APLF: variants seen among roughly 807,000 people sequenced by gnomAD.
APLF encodes aprataxin and PNKP like factor.
In APLF, 61 loss-of-function variants were observed where a neutral mutation model predicts 55.6. The observed-to-expected ratio is 1.10, with a 90% confidence interval of 0.89 to 1.36. The LOEUF (loss-of-function observed/expected upper bound fraction) is 1.36, where lower values mean the gene tolerates loss of function less well. Among genes scored for constraint, APLF ranks in the 40% most tolerant of loss-of-function variants. The pLI, the probability that APLF is intolerant of heterozygous loss-of-function variation, is 0.00. For synonymous variants in APLF, 207 were observed against 214.8 expected (o/e 0.96, Z 0.32); for missense variants, 611 against 602.5 (o/e 1.01, Z -0.15).
intron 3 of APLF, among the ~76,000 whole-genome samples, chr2:68,512,383 C>T (rs868842546): frequency 6.6e-6 from 1 of 151,744 alleles, no homozygotes; most frequent in Non-Finnish European, 1.5e-5. Context: ...GTAGTTCATT[C>T]CTTGTTATTT....
intron 9 of APLF, among the ~76,000 whole-genome samples, chr2:68,573,355 T>C (rs1363490918): frequency 6.6e-6 from 1 of 152,144 alleles, no homozygotes; most frequent in African/African-American, 2.4e-5. Flanking sequence ...TTTGTGATCA[T>C]TTAATGTTTG....
chr2:68,525,889 G>A (rs1389033245), intron 5 of APLF, among the ~76,000 whole-genome samples, 172 bp from the exon 6 acceptor site: 2 of 151,322 alleles, frequency 1.3e-5, no homozygotes, highest in Non-Finnish European at 2.9e-5. Flanking sequence ...AGCTGGGACT[G>A]CAGGTGCACA....
At chr2:68,557,365 G>A (rs1216866741) in intron 8 of APLF, among the ~76,000 whole-genome samples, 1 of 152,196 alleles carries the variant, frequency 6.6e-6, no homozygotes, top group South Asian at 2.1e-4. Flanking sequence ...TTTTCAGTCT[G>A]CAGTTGGTTG....
intron 5 of APLF, among the ~76,000 whole-genome samples, chr2:68,514,582 G>T (rs1476852014): frequency 1.3e-5 from 2 of 151,698 alleles, no homozygotes; most frequent in African/African-American, 4.8e-5. Flanking sequence ...ATGTAGTTTA[G>T]GAGTCAGCCA....
At chr2:68,530,124 T>C (rs945609084) in intron 6 of APLF, among the ~76,000 whole-genome samples, 3 of 152,162 alleles carry the variant, frequency 2.0e-5, no homozygotes, top group African/African-American at 4.8e-5. Flanking sequence ...CCTGAGACCA[T>C]TCCTCAGGTC....
At chr2:68,514,596 A>G (rs962457250) in intron 5 of APLF, among the ~76,000 whole-genome samples, 3 of 151,678 alleles carry the variant, frequency 2.0e-5, no homozygotes, top group Admixed American at 2.0e-4. Flanking sequence ...TCAGCCAAGA[A>G]TTTGGGTCAA....
At chr2:68,523,940 T>C (rs985258533) in intron 5 of APLF, among the ~76,000 whole-genome samples, 2 of 150,246 alleles carry the variant, frequency 1.3e-5, no homozygotes, top group African/African-American at 5.0e-5. Context: ...CTAGAGGTGG[T>C]TGATAGTAAG....
At chr2:68,518,996 A>G (rs1573211140) in intron 5 of APLF, among the ~76,000 whole-genome samples, 1 of 123,968 alleles carries the variant, frequency 8.1e-6, no homozygotes, top group South Asian at 2.2e-4. Flanking sequence ...AATATCTGAT[A>G]ATATATTATT....
chr2:68,517,409 CTA>C (rs200436492), intron 5 of APLF, among the ~76,000 whole-genome samples: 46 of 126,930 alleles, frequency 3.6e-4, no homozygotes, highest in Middle Eastern at 0.011. Flanking sequence ...ATTAATATAT[CTA>C]TATATTACTA....
Position 68,538,153 on chromosome 2 carries a change from T to C in APLF, c.1086T>C (p.Thr362=), listed in dbSNP as rs141640776. The change falls in exon 7 of 10, where the codon ACT becomes ACC. Residue 362 remains threonine, a synonymous_variant. Transcript: ENST00000303795. Reference sequence around the variant, plus strand: ...CTGAAACTTTGCATGCAAAGGCAACTGATTCAGTTCTACAAGGTTCTGAAG... The same window carrying C: ...CTGAAACTTTGCATGCAAAGGCAACCGATTCAGTTCTACAAGGTTCTGAAG... ...SNPETLHAKA[T]DSVLQGSEGN... is the part of the protein sequence containing the mutation. The C allele has an allele frequency of 1.5e-4, 239 of 1,614,136 alleles. 1 individual carries two copies. In the African/African-American group the frequency reaches 2.9e-3, roughly 20 times the overall value.
At position 68,473,591 on chromosome 2, in the gene APLF, A is replaced by C. The variant is rs200193505; in HGVS notation, c.96+5764A>C. 2.3e-4 allele frequency among the ~76,000 whole-genome samples: 35 copies of C among 152,320 alleles called. 1 individual carries two copies. In the East Asian group the frequency reaches 4.2e-3, roughly 18 times the overall value. ...TGTTTAGTGTTGTAAGAAACCGCCA[A>C]ACTGTCTTCCAGAGTGGCTGTACTA... On this transcript the variant is annotated intron_variant, in intron 1 of 9. Transcript: ENST00000303795.
At chr2:68,519,810 T>G (rs1669841758) in intron 5 of APLF, among the ~76,000 whole-genome samples, 1 of 151,718 alleles carries the variant, frequency 6.6e-6, no homozygotes, top group Non-Finnish European at 1.5e-5. Flanking sequence ...TGTAATGACT[T>G]CTTTTCTTCT....
At position 68,490,255 on chromosome 2, in the gene APLF, C is replaced by G; in HGVS notation, c.162C>G (p.Ile54Met). Reference protein sequence around the residue: ...ILEVAGGQLRIKPIHTNPCFY... With the variant: ...ILEVAGGQLRMKPIHTNPCFY... ...AGGTGGCAGGTGGTCAGCTGCGAAT[C>G]AAACCGGTAAATATGTTATTAATGA... The change falls in exon 2 of 10, where the codon ATC (isoleucine) becomes ATG (methionine). Residue 54 changes from isoleucine (I) to methionine (M), a missense_variant. Transcript: ENST00000303795. 6.2e-7 allele frequency: 1 copy of G among 1,611,748 alleles called. No homozygotes were observed. The highest frequency in any genetic ancestry group is 1.7e-5 in the Admixed American group (1 of 59,514).
intron 8 of APLF, among the ~76,000 whole-genome samples, chr2:68,546,629 C>T (rs1235155203): frequency 6.6e-6 from 1 of 151,402 alleles, no homozygotes; most frequent in Non-Finnish European, 1.5e-5. Context: ...ATTCATTTAC[C>T]ATGTCATCAG....
intron 6 of APLF, chr2:68,528,186 G>A (rs1025289371): frequency 4.5e-5 from 35 of 771,042 alleles, no homozygotes; most frequent in African/African-American, 1.7e-4. Flanking sequence ...CTCCTGATCC[G>A]CCCACCTGGG....
chr2:68,535,567 ATAAT>A lies in APLF; in HGVS notation c.805-2299_805-2296del, dbSNP rs550991086. 7.8e-4 allele frequency among the ~76,000 whole-genome samples: 118 copies of A among 151,246 alleles called. 1 individual carries two copies. The highest frequency in any genetic ancestry group is 2.8e-3 in the African/African-American group (116 of 41,260). On this transcript the variant is annotated intron_variant, in intron 6 of 9. Coordinates refer to ENST00000303795, the MANE Select transcript of APLF (RefSeq NM_173545.3). Reference sequence around the variant, plus strand: ...CTGCATAGTATTTCATAGTAAGAATATAATTAATTTATTTAACCACTTCCCTAGC... The same window carrying A: ...CTGCATAGTATTTCATAGTAAGAATATAATTTATTTAACCACTTCCCTAGC...
At chr2:68,477,424 G>A (rs1428711131) in intron 1 of APLF, among the ~76,000 whole-genome samples, 1 of 152,028 alleles carries the variant, frequency 6.6e-6, no homozygotes, top group African/African-American at 2.4e-5. Flanking sequence ...GCTTGAGCCT[G>A]GAATTCAAGA....
At chr2:68,565,125 G>A (rs1270033490) in intron 8 of APLF, among the ~76,000 whole-genome samples, 1 of 151,962 alleles carries the variant, frequency 6.6e-6, no homozygotes, top group African/African-American at 2.4e-5. Context: ...AGATTCCAGG[G>A]TTATCAGTTG....
chr2:68,493,941 T>C (rs1676453471), intron 2 of APLF, among the ~76,000 whole-genome samples: 1 of 151,898 alleles, frequency 6.6e-6, no homozygotes, highest in South Asian at 2.1e-4. Context: ...ACCCCGTCTC[T>C]ACTAAAAATA....
Sources: allele counts gnomAD v4.1 joint callset (sites outside exome capture counted in the v4.1 genomes callset), GRCh38; gene constraint gnomAD v4.1.1; transcripts MANE v1.5; gene names NCBI Gene and HGNC (gene_info 2026-07-23, HGNC 2026-07-21).